Variants in ALDH1A1 observed in about 807,000 individuals in gnomAD.
ALDH1A1 encodes the protein aldehyde dehydrogenase 1 family member A1, also known as aldehyde dehydrogenase 1A1.
A neutral mutation model predicts 62.1 loss-of-function variants in ALDH1A1; 19 were observed. The ratio of observed to expected loss-of-function variants is 0.31; its 90% CI spans 0.21 to 0.45. ALDH1A1 has a LOEUF of 0.45. Among genes scored for constraint, ALDH1A1 ranks in the 20% least tolerant of loss-of-function variants. The pLI, the probability that ALDH1A1 is intolerant of heterozygous loss-of-function variation, is 1.00. For synonymous variants in ALDH1A1, 231 were observed against 215.9 expected (o/e 1.07, Z -0.61); for missense variants, 521 against 607.1 (o/e 0.86, Z 1.49).
chr9:72,926,432 A>AT (rs1431285506), intron 5 of ALDH1A1, among the ~76,000 whole-genome samples: 1 of 152,176 alleles, frequency 6.6e-6, no homozygotes, highest in Non-Finnish European at 1.5e-5. Flanking sequence ...CTTCGCTACC[A>AT]TTTTTTTGTT....
intron 2 of ALDH1A1, among the ~76,000 whole-genome samples, chr9:72,932,706 G>T (rs1830297481): frequency 6.6e-6 from 1 of 152,118 alleles, no homozygotes; most frequent in Non-Finnish European, 1.5e-5. Context: ...TTTAGACATT[G>T]TTTCATGCCA....
Position 72,905,999 on chromosome 9 carries a change from G to A in ALDH1A1, c.1392C>T (p.Cys464=), listed in dbSNP as rs1008773313. The A allele has an allele frequency of 1.9e-6, 3 of 1,611,984 alleles. No homozygotes were observed. The highest frequency in any genetic ancestry group is 3.3e-5 in the Admixed American group (2 of 59,916). The part of the protein sequence containing the change: ...VNCYGVVSAQ[C]PFGGFKMSGN... ...CAGACATCTTGAATCCACCAAAGGGGCACTGGGCACTTACCACGCCATAGC... is the reference window on the plus strand; with the variant it reads ...CAGACATCTTGAATCCACCAAAGGGACACTGGGCACTTACCACGCCATAGC... Residue 464 remains cysteine (C), a synonymous_variant, in exon 12 of 13, where the codon TGC becomes TGT. Transcript: ENST00000297785.
chr9:72,916,430 C>T (rs1047560656), intron 9 of ALDH1A1, among the ~76,000 whole-genome samples: 4 of 152,066 alleles, frequency 2.6e-5, no homozygotes, highest in Admixed American at 2.6e-4. Context: ...CGAAGTTTGC[C>T]GCAAAGGAAA....
chr9:72,939,179 C>A (rs1223428259), intron 2 of ALDH1A1, among the ~76,000 whole-genome samples: 1 of 152,110 alleles, frequency 6.6e-6, no homozygotes, highest in Admixed American at 6.6e-5. Flanking sequence ...AATTACTCAG[C>A]CTTTCTACTC....
intron 1 of ALDH1A1, among the ~76,000 whole-genome samples, chr9:72,944,808 G>A (rs1283958805): frequency 6.6e-6 from 1 of 151,986 alleles, no homozygotes; most frequent in African/African-American, 2.4e-5. Context: ...TTGGACTTAG[G>A]TGACTTTTGA....
At chr9:72,919,346 A>G (rs2161810) in intron 7 of ALDH1A1, among the ~76,000 whole-genome samples, 2 of 152,158 alleles carry the variant, frequency 1.3e-5, no homozygotes, top group Admixed American at 6.5e-5. Context: ...TGACATATTC[A>G]CTACCTCTTG....
intron 2 of ALDH1A1, among the ~76,000 whole-genome samples, chr9:72,933,592 C>CAAAAAAAAAAAAAAAA (rs60011646): frequency 8.9e-6 from 1 of 111,732 alleles, no homozygotes; most frequent in African/African-American, 3.5e-5. Context: ...CATCTCAAAA[C>CAAAAAAAAAAAAAAAA]AAAAAAAAAA....
intron 8 of ALDH1A1, 80 bp downstream of exon 8, chr9:72,918,638 GTA>G: frequency 1.9e-5 from 1 of 51,966 alleles, no homozygotes. Flanking sequence ...TTTTTTTTTT[GTA>G]AAGTTCAAGT....
chr9:72,914,829 T>C (rs1830040298), intron 9 of ALDH1A1, among the ~76,000 whole-genome samples: 1 of 152,088 alleles, frequency 6.6e-6, no homozygotes, highest in Admixed American at 6.6e-5. Context: ...AAACAAATCG[T>C]TTTGACCATT....
At chr9:72,923,773 C>T (rs1008560134) in intron 7 of ALDH1A1, 11 of 275,828 alleles carry the variant, frequency 4.0e-5, no homozygotes, top group Non-Finnish European at 6.7e-5. Context: ...CCATATTTCT[C>T]GTCAGAGAAA....
At chr9:72,928,197 A>G (rs1204682306) in intron 4 of ALDH1A1, among the ~76,000 whole-genome samples, 1 of 151,672 alleles carries the variant, frequency 6.6e-6, no homozygotes, top group Non-Finnish European at 1.5e-5. Flanking sequence ...CCTAAAGTTC[A>G]TAGGTTTGCC....
intron 7 of ALDH1A1, among the ~76,000 whole-genome samples, chr9:72,922,347 C>T (rs967235529): frequency 9.1e-4 from 138 of 152,250 alleles, no homozygotes; most frequent in Non-Finnish European, 7.4e-4. Context: ...ATTTTCTAGA[C>T]TTTTAATCTC....
At chr9:72,925,071 T>C (rs999206704) in intron 6 of ALDH1A1, among the ~76,000 whole-genome samples, 5 of 152,200 alleles carry the variant, frequency 3.3e-5, no homozygotes, top group African/African-American at 1.2e-4. Flanking sequence ...ACAAGCATAT[T>C]GGCATAGAGG....
intron 7 of ALDH1A1, among the ~76,000 whole-genome samples, chr9:72,919,639 T>A (rs1224138532): frequency 6.6e-6 from 1 of 152,262 alleles, no homozygotes; most frequent in African/African-American, 2.4e-5. Flanking sequence ...AACGTATCAC[T>A]GCATACCTCT....
intron 1 of ALDH1A1, among the ~76,000 whole-genome samples, chr9:72,949,704 T>C (rs910230681): frequency 4.6e-5 from 7 of 151,420 alleles, no homozygotes; most frequent in Non-Finnish European, 8.9e-5. Context: ...TAAAATGTCA[T>C]TAGCTGATGA....
intron 9 of ALDH1A1, among the ~76,000 whole-genome samples, chr9:72,915,056 A>G (rs1305152936): frequency 6.6e-6 from 1 of 152,128 alleles, no homozygotes; most frequent in African/African-American, 2.4e-5. Context: ...TCCAAATTCT[A>G]ACATACCTAC....
intron 2 of ALDH1A1, among the ~76,000 whole-genome samples, chr9:72,932,242 A>G (rs1830289934): frequency 6.6e-6 from 1 of 152,196 alleles, no homozygotes; most frequent in Non-Finnish European, 1.5e-5. Context: ...CCCTTTAAGA[A>G]TTGGGGGAGA....
intron 9 of ALDH1A1, among the ~76,000 whole-genome samples, chr9:72,915,137 T>A (rs1312257064): frequency 6.6e-6 from 1 of 152,202 alleles, no homozygotes; most frequent in East Asian, 1.9e-4. Context: ...CTTATATTAA[T>A]CAGATCACTG....
rs1241055819 is a variant in ALDH1A1, at chr9:72,952,960, G to C, written c.41C>G (p.Thr14Ser). ...SGTPDLPVLL[T>S]DLKIQYTKIF... is the part of the protein sequence containing the mutation. Reference sequence around the variant, plus strand: ...CTTAGTATATTGAATCTTCAAATCGGTGAGTAGGACAGGTAAGTCTGGCGT... The same window carrying C: ...CTTAGTATATTGAATCTTCAAATCGCTGAGTAGGACAGGTAAGTCTGGCGT... The change falls in exon 1 of 13, where the codon ACC (threonine) becomes AGC (serine). Residue 14 changes from threonine to serine, a missense_variant. Thr to Ser is a moderately conservative substitution (Grantham distance 58, BLOSUM62 1). Transcript: ENST00000297785. 2 of 1,613,088 alleles carry C rather than the reference G, an allele frequency of 1.2e-6. No individual in the cohort carries two copies. The highest frequency in any genetic ancestry group is 3.3e-5 in the Admixed American group (2 of 59,926).
Sources: allele counts gnomAD v4.1 joint callset (sites outside exome capture counted in the v4.1 genomes callset), GRCh38; gene constraint gnomAD v4.1.1; transcripts MANE v1.5; gene names NCBI Gene and HGNC (gene_info 2026-07-23, HGNC 2026-07-21).